The following GPC3 variants were observed in gnomAD, a reference collection of about 807,000 sequenced individuals.
GPC3 encodes glypican-3.
Under a neutral mutation model 34.4 loss-of-function variants are expected in GPC3, and 3 were observed. The ratio of observed to expected loss-of-function variants is 0.09; its 90% confidence interval spans 0.04 to 0.23. GPC3 has a LOEUF of 0.23. Ranked by LOEUF, GPC3 falls within the 10% of genes least tolerant of loss-of-function variation. The pLI is 1.00. For missense variants in GPC3, 351 were observed against 445.6 expected (o/e 0.79, Z 1.91); for synonymous variants, 177 against 174.0 (o/e 1.02, Z -0.13).
intron 1 of GPC3, among the ~76,000 whole-genome samples, chrX:133,969,809 C>T (rs1602570319): frequency 9.0e-6 from 1 of 111,546 alleles, no homozygotes; most frequent in African/African-American, 3.3e-5. Context: ...TAAATATCCT[C>T]GCCTCCATCA....
intron 2 of GPC3, among the ~76,000 whole-genome samples, chrX:133,892,303 T>TC (rs773610948): frequency 4.5e-5 from 5 of 112,032 alleles, no homozygotes; most frequent in African/African-American, 1.6e-4. Context: ...CATTCTACTT[T>TC]CCTCTTGGTG....
chrX:133,796,136 G>A (rs1417921450), intron 2 of GPC3, among the ~76,000 whole-genome samples: 3 of 109,064 alleles, frequency 2.8e-5, no homozygotes, highest in South Asian at 4.0e-4. Flanking sequence ...TAGTAGAGAC[G>A]GAGTTTCACC....
chrX:133,692,734 A>C (rs932079445), intron 4 of GPC3, among the ~76,000 whole-genome samples: 6 of 112,344 alleles, frequency 5.3e-5, no homozygotes, highest in Admixed American at 2.8e-4. Flanking sequence ...AGGATGATTT[A>C]ATTCCAACAT....
chrX:133,684,543 A>G (rs906430247), intron 5 of GPC3, among the ~76,000 whole-genome samples: 1 of 111,550 alleles, frequency 9.0e-6, no homozygotes, highest in Non-Finnish European at 1.9e-5. Flanking sequence ...ACCTGACTCA[A>G]TGCTACTGAA....
At chrX:133,564,775 G>A (rs1294020015) in intron 7 of GPC3, among the ~76,000 whole-genome samples, 1 of 111,847 alleles carries the variant, frequency 8.9e-6, no homozygotes, top group African/African-American at 3.2e-5. Context: ...AACAGGGATG[G>A]AAAATTCCTG....
intron 2 of GPC3, among the ~76,000 whole-genome samples, chrX:133,895,099 C>T (rs1327391901): frequency 2.7e-5 from 3 of 111,733 alleles, no homozygotes; most frequent in Non-Finnish European, 5.6e-5. Flanking sequence ...CCACTGAATC[C>T]CTATAGGTCT....
intron 2 of GPC3, among the ~76,000 whole-genome samples, chrX:133,939,688 T>C (rs2076336687): frequency 8.9e-6 from 1 of 112,199 alleles, no homozygotes; most frequent in Admixed American, 9.5e-5. Flanking sequence ...TGCAGCAAGT[T>C]TCTCAGGAAG....
chrX:133,605,176 G>GC (rs2070034683), intron 6 of GPC3, among the ~76,000 whole-genome samples: 2 of 109,169 alleles, frequency 1.8e-5, no homozygotes, highest in African/African-American at 6.7e-5. Context: ...CACACGTGGG[G>GC]GGGGGGCAAT....
chrX:133,836,177 T>C (rs1484620656), intron 2 of GPC3, among the ~76,000 whole-genome samples: 3 of 113,593 alleles, frequency 2.6e-5, no homozygotes, highest in Admixed American at 9.3e-5. Flanking sequence ...CCTTTTCTCA[T>C]GTTGAACTTC....
At chrX:133,763,155 G>T in intron 2 of GPC3, 2 of 729,409 alleles carry the variant, frequency 2.7e-6, no homozygotes, top group Non-Finnish European at 4.3e-6. Flanking sequence ...AGGAGCCGCA[G>T]CTTCTTGTGG....
chrX:133,969,251 A>C (rs986652142), intron 1 of GPC3, among the ~76,000 whole-genome samples: 2 of 111,361 alleles, frequency 1.8e-5, no homozygotes, highest in East Asian at 5.6e-4. Context: ...GAAATAATTA[A>C]GAAGAAGAGA....
At chrX:133,647,427 G>A (rs2070555997) in intron 6 of GPC3, among the ~76,000 whole-genome samples, 1 of 112,364 alleles carries the variant, frequency 8.9e-6, no homozygotes, top group Non-Finnish European at 1.9e-5. Flanking sequence ...AAGGCAGAGC[G>A]TCTTGGTGAA....
At position 133,740,488 on chromosome X, in the gene GPC3, T is replaced by G. The variant is rs769249025; in HGVS notation, c.1032+12994A>C. On this transcript the variant is annotated intron_variant, in intron 3 of 7. Transcript: ENST00000370818. Reference sequence around the variant, plus strand: ...TCCCTGCTTTTTTGTCTAGAACTTGTGAAGAAACTGCTCAAAGATTATTTA... The same window carrying G: ...TCCCTGCTTTTTTGTCTAGAACTTGGGAAGAAACTGCTCAAAGATTATTTA... Among the ~76,000 whole-genome samples the G allele has an allele frequency of 2.7e-5, 3 of 112,489 alleles. No individual in the cohort carries two copies. The East Asian group carries it at 8.3e-4, about 31-fold the overall frequency.
At chrX:133,979,732 C>T (rs2076530802) in intron 1 of GPC3, among the ~76,000 whole-genome samples, 1 of 111,809 alleles carries the variant, frequency 8.9e-6, no homozygotes, top group Non-Finnish European at 1.9e-5. Context: ...AGTCTGGGGC[C>T]TGTAACTTGG....
At chrX:133,759,364 C>T (rs1236047178) in intron 2 of GPC3, among the ~76,000 whole-genome samples, 1 of 111,510 alleles carries the variant, frequency 9.0e-6, no homozygotes, top group Non-Finnish European at 1.9e-5. Context: ...CAAGAATTCC[C>T]ATCAAGGTAC....
At chrX:133,946,356 T>C (rs73568943) in intron 2 of GPC3, among the ~76,000 whole-genome samples, 2,794 of 111,907 alleles carry the variant, frequency 0.025, 88 homozygotes, top group African/African-American at 0.086. Context: ...CTAATCTCTT[T>C]AAGCCTCCAT....
chrX:133,961,705 T>C (rs1197918366), intron 1 of GPC3, among the ~76,000 whole-genome samples: 2 of 111,858 alleles, frequency 1.8e-5, no homozygotes, highest in Admixed American at 9.5e-5. Context: ...AAATGGACTC[T>C]CAAATTAACT....
At chrX:133,727,332 G>C (rs1230369061) in intron 3 of GPC3, among the ~76,000 whole-genome samples, 1 of 110,777 alleles carries the variant, frequency 9.0e-6, no homozygotes, top group Non-Finnish European at 1.9e-5. Context: ...GATCACTTGA[G>C]GTCAGGAGTT....
intron 2 of GPC3, among the ~76,000 whole-genome samples, chrX:133,806,248 A>G (rs1342000361): frequency 2.7e-5 from 3 of 112,411 alleles, no homozygotes; most frequent in Non-Finnish European, 3.8e-5. Context: ...TGCTTTTGCA[A>G]TAAGACACAG....
Sources: gnomAD v4.1 joint callset for allele counts (sites outside exome capture counted in the v4.1 genomes callset) on GRCh38, gnomAD v4.1.1 for gene constraint, MANE v1.5 for transcripts, NCBI Gene and HGNC (gene_info 2026-07-23, HGNC 2026-07-21) for gene names.